The following ATP10A variants were observed in gnomAD, a reference collection of about 807,000 sequenced individuals.
ATP10A encodes the protein ATPase phospholipid transporting 10A (putative), also known as phospholipid-transporting ATPase VA.
ATP10A carries 111 observed loss-of-function variants against 147.8 expected under a neutral mutation model. That is an observed-to-expected ratio of 0.75 (90% CI 0.64 to 0.88). The LOEUF (loss-of-function observed/expected upper bound fraction) is 0.88. Ranked by LOEUF, ATP10A falls within the 40% of genes least tolerant of loss-of-function variation. The probability of loss-of-function intolerance (pLI) is 0.00; values close to 1 mark genes in which losing one functional copy is unlikely to be tolerated. For missense variants in ATP10A, 1,927 were observed against 1,959.0 expected (o/e 0.98, Z 0.31); for synonymous variants, 875 against 841.6 (o/e 1.04, Z -0.69).
At chr15:25,790,461 A>C (rs1037915156) in intron 1 of ATP10A, among the ~76,000 whole-genome samples, 6 of 152,172 alleles carry the variant, frequency 3.9e-5, no homozygotes, top group African/African-American at 1.4e-4. Context: ...GAAAGGGCTG[A>C]ATGTTGTCCC....
At chr15:25,805,963 A>G (rs1891161127) in intron 1 of ATP10A, among the ~76,000 whole-genome samples, 4 of 152,244 alleles carry the variant, frequency 2.6e-5, no homozygotes, top group Admixed American at 2.6e-4. Context: ...GAGAAGAAAC[A>G]GAAAACTGCC....
intron 1 of ATP10A, among the ~76,000 whole-genome samples, chr15:25,808,043 G>A (rs1036079445): frequency 7.9e-5 from 12 of 152,062 alleles, no homozygotes; most frequent in African/African-American, 2.4e-4. Context: ...AGTGACACAC[G>A]TATCACTGGC....
intron 1 of ATP10A, among the ~76,000 whole-genome samples, chr15:25,850,541 G>C (rs951374543): frequency 1.3e-5 from 2 of 152,220 alleles, no homozygotes; most frequent in East Asian, 3.9e-4. Context: ...GGCGAGGCGA[G>C]TCCCCAGGCG....
chr15:25,708,992 G>C lies in ATP10A; in HGVS notation c.2345-692C>G, dbSNP rs1302859918. ...CAGGAAGGATTATCTACTAATCTAA[G>C]TCCACCACCTGAAAGAGGACCCGGT... On this transcript the variant is annotated intron_variant, in intron 10 of 20. Transcript: ENST00000555815. The C allele has an allele frequency of 2.6e-5, 4 of 152,440 alleles. No homozygotes were observed. The East Asian group carries it at 7.7e-4, about 29-fold the overall frequency. The allele number at this position is 152,440 out of a possible 1,614,324, so 9.4% of individuals were successfully genotyped here.
At chr15:25,690,675 C>G (rs1310460585) in intron 15 of ATP10A, among the ~76,000 whole-genome samples, 1 of 152,084 alleles carries the variant, frequency 6.6e-6, no homozygotes, top group Non-Finnish European at 1.5e-5. Flanking sequence ...CAGTTCAGAC[C>G]CGTGTTGTTC....
chr15:25,840,001 G>A (rs11636844), intron 1 of ATP10A, among the ~76,000 whole-genome samples: 95,158 of 151,902 alleles, frequency 0.63, 32,264 homozygotes, highest in East Asian at 0.91. Context: ...TCAAGATGGC[G>A]CCAATGGGAC....
chr15:25,681,261 A>T (rs1180296549), intron 17 of ATP10A, among the ~76,000 whole-genome samples, 187 bp from the exon 18 acceptor site: 2 of 152,144 alleles, frequency 1.3e-5, no homozygotes, highest in African/African-American at 4.8e-5. Flanking sequence ...TGATAACAAA[A>T]ATGATCATAT....
chr15:25,748,622 G>A (rs1210332934), intron 2 of ATP10A, among the ~76,000 whole-genome samples: 1 of 151,644 alleles, frequency 6.6e-6, no homozygotes, highest in Admixed American at 6.6e-5. Flanking sequence ...ATTTAGAACT[G>A]TACTGGAGTC....
chr15:25,706,231 A>G (rs1002341250), intron 12 of ATP10A, among the ~76,000 whole-genome samples: 4 of 152,202 alleles, frequency 2.6e-5, no homozygotes, highest in Non-Finnish European at 5.9e-5. Context: ...ATATGTTAAC[A>G]GAGCTGCAGC....
At chr15:25,803,284 C>T (rs1217380184) in intron 1 of ATP10A, among the ~76,000 whole-genome samples, 1 of 152,228 alleles carries the variant, frequency 6.6e-6, no homozygotes, top group Non-Finnish European at 1.5e-5. Flanking sequence ...CTGGGCTCCT[C>T]CATTCATGCA....
intron 14 of ATP10A, among the ~76,000 whole-genome samples, 180 bp downstream of exon 14, chr15:25,694,639 T>C (rs1900210584): frequency 6.6e-6 from 1 of 152,248 alleles, no homozygotes; most frequent in African/African-American, 2.4e-5. Flanking sequence ...CTCTCTTTTG[T>C]GGCTTTCCAA....
intron 2 of ATP10A, among the ~76,000 whole-genome samples, chr15:25,749,193 T>C: frequency 6.6e-6 from 1 of 152,096 alleles, no homozygotes; most frequent in East Asian, 1.9e-4. Context: ...TTACTACATG[T>C]AAACACACAC....
intron 1 of ATP10A, among the ~76,000 whole-genome samples, chr15:25,856,475 T>C (rs1376538861): frequency 6.6e-5 from 10 of 152,212 alleles, no homozygotes; most frequent in Admixed American, 2.6e-4. Flanking sequence ...GAGAATGGAC[T>C]AATAGAGTTA....
intron 2 of ATP10A, among the ~76,000 whole-genome samples, chr15:25,751,484 GAGCATTT>G (rs1229463726): frequency 6.6e-6 from 1 of 152,042 alleles, no homozygotes; most frequent in Non-Finnish European, 1.5e-5. Context: ...AAAGCACATA[GAGCATTT>G]AGCAAGATAG....
Position 25,736,070 on chromosome 15 carries a change from C to T in ATP10A, c.726G>A (p.Arg242=). 1 of 1,613,776 alleles carries T rather than the reference C, an allele frequency of 6.2e-7. No homozygotes were observed. The highest frequency in any genetic ancestry group is 8.5e-7 in the Non-Finnish European group (1 of 1,179,926). The part of the protein sequence containing the change: ...ECEKPNNDLS[R]FRGCIIHDNG... ...ACGATACTCACATGCAGCCGCGAAA[C>T]CTACTCAGGTCGTTGTTTGGCTTCT... The change falls in exon 3 of 21, where the codon AGG becomes AGA. Residue 242 remains arginine (R), a synonymous_variant. Transcript: ENST00000555815.
rs527688796 is a variant in ATP10A at position 25,721,943 on chromosome 15, G to T, written c.1111-34C>A. 18 of 1,592,628 alleles carry T rather than the reference G, an allele frequency of 1.1e-5. No homozygotes were observed. The African/African-American group carries it at 1.5e-4, about 13-fold the overall frequency. On this transcript the variant is annotated intron_variant, in intron 6 of 20. Transcript: ENST00000555815. ...GACAAGGCACACAGGATGAATGACCGTGAGGACCAGGGAGCTGGGGAATTA... is the reference window on the plus strand; with the variant it reads ...GACAAGGCACACAGGATGAATGACCTTGAGGACCAGGGAGCTGGGGAATTA...
At chr15:25,861,955 C>T (rs1893779324) in intron 1 of ATP10A, 1 of 275,888 alleles carries the variant, frequency 3.6e-6, no homozygotes, top group South Asian at 3.2e-5. Flanking sequence ...CAGGAGTGGT[C>T]CATCGCAGGG....
At chr15:25,784,921 CAA>C (rs397972229) in intron 1 of ATP10A, among the ~76,000 whole-genome samples, 35 of 106,504 alleles carry the variant, frequency 3.3e-4, no homozygotes, top group Admixed American at 5.0e-4. Context: ...GACCCCGTGT[CAA>C]AAAAAAAAAA....
At chr15:25,715,047 C>T (rs546395582) in intron 9 of ATP10A, among the ~76,000 whole-genome samples, 5 of 152,110 alleles carry the variant, frequency 3.3e-5, no homozygotes, top group East Asian at 1.9e-4. Context: ...AACAGAGCCA[C>T]GCTTTTTTCT....
Sources: gnomAD v4.1 joint callset for allele counts (sites outside exome capture counted in the v4.1 genomes callset) on GRCh38, gnomAD v4.1.1 for gene constraint, MANE v1.5 for transcripts, NCBI Gene and HGNC (gene_info 2026-07-23, HGNC 2026-07-21) for gene names.